Variants in PTPRD observed in about 807,000 individuals in gnomAD.
The protein encoded by PTPRD is protein tyrosine phosphatase receptor type D.
PTPRD carries 34 observed loss-of-function variants against 214.5 expected under a neutral mutation model. The ratio of observed to expected loss-of-function variants is 0.16; its 90% CI spans 0.12 to 0.21. PTPRD has a LOEUF of 0.21. Among genes scored for constraint, PTPRD ranks in the 10% least tolerant of loss-of-function variants. PTPRD has a pLI of 1.00. For missense variants in PTPRD, 2,545 were observed against 2,398.7 expected (o/e 1.06, Z -1.27); for synonymous variants, 1,128 against 845.7 (o/e 1.33, Z -5.79).
chr9:8,542,647 G>A (rs1001423452), intron 14 of PTPRD, among the ~76,000 whole-genome samples: 6 of 152,230 alleles, frequency 3.9e-5, no homozygotes, highest in African/African-American at 7.2e-5. Context: ...CCTGGATGGA[G>A]CACAGCACTA....
At chr9:8,610,317 A>C (rs1460043268) in intron 14 of PTPRD, among the ~76,000 whole-genome samples, 1 of 152,200 alleles carries the variant, frequency 6.6e-6, no homozygotes, top group Non-Finnish European at 1.5e-5. Context: ...TTAAATACTC[A>C]ATAAATGGTG....
chr9:9,823,206 G>T (rs982639890), intron 5 of PTPRD, among the ~76,000 whole-genome samples: 1 of 152,132 alleles, frequency 6.6e-6, no homozygotes, highest in East Asian at 1.9e-4. Flanking sequence ...AGTTCTGCAG[G>T]CTTTATAGGA....
At chr9:8,667,351 A>C (rs1193545773) in intron 12 of PTPRD, among the ~76,000 whole-genome samples, 3 of 152,196 alleles carry the variant, frequency 2.0e-5, no homozygotes, top group Non-Finnish European at 4.4e-5. Flanking sequence ...AAATAAATAA[A>C]TAAAACAAAA....
chr9:10,274,994 G>T (rs2094600548), intron 3 of PTPRD, among the ~76,000 whole-genome samples: 1 of 152,102 alleles, frequency 6.6e-6, no homozygotes, highest in South Asian at 2.1e-4. Flanking sequence ...ACTAGGTATT[G>T]CATACATATT....
At chr9:8,384,373 T>G in intron 37 of PTPRD, among the ~76,000 whole-genome samples, 1 of 152,092 alleles carries the variant, frequency 6.6e-6, no homozygotes, top group South Asian at 2.1e-4. Flanking sequence ...TACGCAAAAC[T>G]TGAGAGGATT....
rs560653184 is a variant in PTPRD at position 8,504,283 on chromosome 9, T to C, written c.1800A>G (p.Ile600Met). ...PQGLGASTAE[I>M]SARTMQSKPS... ...TACTTGACTGCATGGTTCTAGCTGA[T>C]ATTTCTGCAGTAGAAGCACCCAGGC... The change falls in exon 23 of 46, where the codon ATA (isoleucine) becomes ATG (methionine). Residue 600 changes from isoleucine to methionine, a missense_variant. By Grantham distance (10) the Ile-to-Met change is conservative. Coordinates refer to ENST00000381196, the MANE Select transcript of PTPRD (RefSeq NM_002839.4). 27 of 1,614,180 alleles carry C rather than the reference T, an allele frequency of 1.7e-5. No individual in the cohort carries two copies. In the South Asian group the frequency reaches 2.5e-4, roughly 15 times the overall value.
At chr9:10,353,558 A>G (rs756472288) in intron 2 of PTPRD, among the ~76,000 whole-genome samples, 1 of 151,878 alleles carries the variant, frequency 6.6e-6, no homozygotes, top group Non-Finnish European at 1.5e-5. Flanking sequence ...AGGTATAGAG[A>G]GGATGAGTAA....
chr9:9,304,782 A>AAG (rs1051343361), intron 9 of PTPRD, among the ~76,000 whole-genome samples: 5 of 151,398 alleles, frequency 3.3e-5, no homozygotes, highest in African/African-American at 1.2e-4. Context: ...GGAAAGGAAA[A>AAG]AGAGCTGACA....
chr9:9,020,410 G>T (rs529957546), intron 10 of PTPRD, among the ~76,000 whole-genome samples: 318 of 152,260 alleles, frequency 2.1e-3, no homozygotes, highest in Admixed American at 5.7e-3. Flanking sequence ...TTGTAAGAAA[G>T]CTTGGACCAC....
intron 35 of PTPRD, among the ~76,000 whole-genome samples, chr9:8,416,410 T>C (rs2093940843): frequency 6.6e-6 from 1 of 152,226 alleles, no homozygotes; most frequent in African/African-American, 2.4e-5. Flanking sequence ...ATGTTTACTA[T>C]CCATGTTCTT....
chr9:10,585,693 GAGAAATAGTATA>G (rs1397350204), intron 2 of PTPRD, among the ~76,000 whole-genome samples: 1 of 144,510 alleles, frequency 6.9e-6, no homozygotes, highest in Non-Finnish European at 1.5e-5. Context: ...AGGAGCATTA[GAGAAATAGTATA>G]CATACACACA....
intron 34 of PTPRD, chr9:8,438,714 T>A (rs745446492): frequency 4.6e-5 from 7 of 152,052 alleles, no homozygotes; most frequent in Non-Finnish European, 7.3e-5. Flanking sequence ...TTCGAGCGGA[T>A]CGTGGGAGAG....
Position 9,766,810 on chromosome 9 carries a change from C to T in PTPRD, c.-326G>A, listed in dbSNP as rs536201684. On this transcript the variant is annotated splice_region_variant and 5_prime_UTR_variant, in exon 6 of 46. Transcript: ENST00000381196. ...TAAAATATATTTTAAATATACTCACCTTTGTCCAAGGCACATTCTGCTGTG... is the reference window on the plus strand; with the variant it reads ...TAAAATATATTTTAAATATACTCACTTTTGTCCAAGGCACATTCTGCTGTG... 11 of 152,408 alleles carry T rather than the reference C, an allele frequency of 7.2e-5. No homozygotes were observed. Among genetic ancestry groups the T allele is most frequent in the Non-Finnish European group, 1.6e-4 (11 of 67,924 alleles). The allele number at this position is 152,408 out of a possible 1,614,324, so 9.4% of individuals were successfully genotyped here. A position where few individuals can be genotyped will look rare whatever the true frequency, so the allele number is the denominator to read the frequency against.
chr9:8,813,319 T>C (rs2154523478), intron 11 of PTPRD, among the ~76,000 whole-genome samples: 1 of 152,206 alleles, frequency 6.6e-6, no homozygotes, highest in South Asian at 2.1e-4. Flanking sequence ...CACAAAGGAA[T>C]AGCTTATCAG....
intron 10 of PTPRD, among the ~76,000 whole-genome samples, chr9:9,175,350 C>T (rs557102909): frequency 8.6e-5 from 13 of 152,038 alleles, no homozygotes; most frequent in Admixed American, 4.6e-4. Flanking sequence ...TGGCTGGGCA[C>T]GGTGGCTCAC....
chr9:9,243,085 T>C (rs747386386), intron 9 of PTPRD, among the ~76,000 whole-genome samples: 90 of 152,152 alleles, frequency 5.9e-4, no homozygotes, highest in South Asian at 4.1e-4. Flanking sequence ...TGCAGGTCTG[T>C]TGGAGTTTCC....
chr9:8,790,998 G>A (rs972371071), intron 11 of PTPRD, among the ~76,000 whole-genome samples: 1 of 152,168 alleles, frequency 6.6e-6, no homozygotes, highest in Non-Finnish European at 1.5e-5. Flanking sequence ...AGTAGGCAGT[G>A]CTGCTATAGC....
chr9:9,027,103 T>G (rs562187855), intron 10 of PTPRD, among the ~76,000 whole-genome samples: 1 of 151,792 alleles, frequency 6.6e-6, no homozygotes, highest in South Asian at 2.1e-4. Flanking sequence ...TATTTCAGAT[T>G]GTACTTCAGC....
chr9:8,722,319 G>C (rs1236934951), intron 12 of PTPRD, among the ~76,000 whole-genome samples: 1 of 152,078 alleles, frequency 6.6e-6, no homozygotes, highest in East Asian at 1.9e-4. Context: ...GGAGAATTGA[G>C]AAAATTGCTC....
Sources: allele counts gnomAD v4.1 joint callset (sites outside exome capture counted in the v4.1 genomes callset), GRCh38; gene constraint gnomAD v4.1.1; transcripts MANE v1.5; gene names NCBI Gene and HGNC (gene_info 2026-07-23, HGNC 2026-07-21).